The following SGCZ variants were observed in gnomAD, a reference collection of about 807,000 sequenced individuals.
SGCZ encodes the protein zeta-sarcoglycan.
A neutral mutation model predicts 41.3 loss-of-function variants in SGCZ; 40 were observed. That is an observed-to-expected ratio of 0.97 (90% CI 0.75 to 1.26). The LOEUF (loss-of-function observed/expected upper bound fraction) is 1.26, where lower values mean the gene tolerates loss of function less well. SGCZ is among the 50% of genes most tolerant of loss of function. The probability of loss-of-function intolerance (pLI) is 0.00; values close to 1 mark genes in which losing one functional copy is unlikely to be tolerated. For synonymous variants in SGCZ, 206 were observed against 137.5 expected, an observed-to-expected ratio of 1.50 and a Z score of -3.49; for missense variants, 552 against 369.8, an observed-to-expected ratio of 1.49 and a Z score of -4.04.
chr8:14,457,888 G>C (rs1367497316), intron 2 of SGCZ, among the ~76,000 whole-genome samples: 4 of 152,114 alleles, frequency 2.6e-5, no homozygotes, highest in Non-Finnish European at 5.9e-5. Flanking sequence ...TCCGCGCATT[G>C]GTGGTAGTGG....
intron 2 of SGCZ, among the ~76,000 whole-genome samples, chr8:14,341,079 C>A (rs572509403): frequency 4.6e-5 from 7 of 152,270 alleles, no homozygotes; most frequent in Admixed American, 2.0e-4. Context: ...CTTCAAGAGT[C>A]ATCTATGTTG....
intron 1 of SGCZ, among the ~76,000 whole-genome samples, chr8:14,657,857 T>C (rs2117474016): frequency 6.6e-6 from 1 of 152,300 alleles, no homozygotes; most frequent in East Asian, 1.9e-4. Flanking sequence ...CACAAAATCC[T>C]AAAATAATAT....
intron 1 of SGCZ, among the ~76,000 whole-genome samples, chr8:14,707,174 C>T (rs1809359448): frequency 1.0e-5 from 1 of 97,862 alleles, no homozygotes; most frequent in Admixed American, 1.4e-4. Flanking sequence ...CAAATACTAA[C>T]CCTCCCCCCT....
chr8:14,496,619 GT>G (rs1345286482), intron 2 of SGCZ, among the ~76,000 whole-genome samples: 1 of 152,118 alleles, frequency 6.6e-6, no homozygotes, highest in Non-Finnish European at 1.5e-5. Context: ...TTGTATCACA[GT>G]TGTAGAAAAT....
chr8:14,576,250 T>C (rs746529744), intron 1 of SGCZ, among the ~76,000 whole-genome samples: 9 of 152,110 alleles, frequency 5.9e-5, no homozygotes, highest in Non-Finnish European at 1.0e-4. Context: ...ACAGACAATG[T>C]AAAGTGAAAA....
At chr8:14,692,921 G>A (rs1808844553) in intron 1 of SGCZ, among the ~76,000 whole-genome samples, 1 of 152,134 alleles carries the variant, frequency 6.6e-6, no homozygotes, top group African/African-American at 2.4e-5. Flanking sequence ...AAACCTTGAT[G>A]GAATATTTAC....
intron 2 of SGCZ, among the ~76,000 whole-genome samples, chr8:14,377,252 C>G (rs185038202): frequency 6.6e-6 from 1 of 152,138 alleles, no homozygotes; most frequent in South Asian, 2.1e-4. Flanking sequence ...TCCATAAAAA[C>G]CCTACACAGT....
chr8:14,730,810 G>T (rs1402277816), intron 1 of SGCZ, among the ~76,000 whole-genome samples: 1 of 151,812 alleles, frequency 6.6e-6, no homozygotes, highest in Non-Finnish European at 1.5e-5. Flanking sequence ...ATTACATTTT[G>T]CAATGAACAA....
At chr8:15,070,807 G>T (rs541256267) in intron 1 of SGCZ, among the ~76,000 whole-genome samples, 2 of 152,304 alleles carry the variant, frequency 1.3e-5, no homozygotes, top group African/African-American at 4.8e-5. Flanking sequence ...ATTATTTATG[G>T]TTTTAGAGAA....
intron 4 of SGCZ, among the ~76,000 whole-genome samples, chr8:14,225,378 A>G (rs1441538073): frequency 6.6e-6 from 1 of 152,150 alleles, no homozygotes; most frequent in Non-Finnish European, 1.5e-5. Context: ...ACTCTCAGCA[A>G]ATATGAAATA....
chr8:14,402,508 G>A lies in SGCZ; in HGVS notation c.235-78304C>T, dbSNP rs990817723. ...ATCCAGTTTCAGCTTTCTACCTATG[G>A]CTAGCCAGTTTTCCCAGCACCATTT... On this transcript the variant is annotated intron_variant, in intron 2 of 7. Transcript: ENST00000382080. Among the ~76,000 whole-genome samples, 21 of 150,176 alleles carry A rather than the reference G, an allele frequency of 1.4e-4. 1 individual carries two copies. Among genetic ancestry groups the A allele is most frequent in the African/African-American group, 4.5e-4 (18 of 39,698 alleles).
intron 1 of SGCZ, among the ~76,000 whole-genome samples, chr8:14,778,336 C>A (rs17343750): frequency 0.32 from 48,944 of 151,958 alleles, 9,688 homozygotes; most frequent in East Asian, 0.5. Flanking sequence ...CAAGAGAGGA[C>A]ACTGGTCACT....
At chr8:15,007,705 A>C (rs948420902) in intron 1 of SGCZ, among the ~76,000 whole-genome samples, 5 of 152,232 alleles carry the variant, frequency 3.3e-5, no homozygotes, top group Non-Finnish European at 7.3e-5. Flanking sequence ...CTTAGCATGC[A>C]TGTGTCATAA....
intron 1 of SGCZ, among the ~76,000 whole-genome samples, chr8:14,960,082 A>C (rs2130849658): frequency 6.6e-6 from 1 of 152,330 alleles, no homozygotes; most frequent in African/African-American, 2.4e-5. Context: ...AAAGGTGAAG[A>C]CTGACATGCA....
At chr8:14,288,733 G>A (rs1022135523) in intron 3 of SGCZ, among the ~76,000 whole-genome samples, 6 of 152,104 alleles carry the variant, frequency 3.9e-5, no homozygotes, top group Non-Finnish European at 7.4e-5. Context: ...AAATAGTACT[G>A]TTATGACCAT....
intron 1 of SGCZ, among the ~76,000 whole-genome samples, chr8:14,649,707 A>G (rs2117451713): frequency 6.6e-6 from 1 of 152,214 alleles, no homozygotes; most frequent in Admixed American, 6.6e-5. Flanking sequence ...TCTAATTTTA[A>G]TGACAATCAG....
rs374207281 is a variant in SGCZ at position 15,050,062 on chromosome 8, G to C, written c.39+187523C>G. ...AATAGTTGGGACTTTGGTGATGGCT[G>C]TGTAAAGGGGGAGAATGTAGGCACA... On this transcript the variant is annotated intron_variant, in intron 1 of 7. Coordinates refer to ENST00000382080, the MANE Select transcript of SGCZ (RefSeq NM_139167.4). 1.9e-3 allele frequency among the ~76,000 whole-genome samples: 285 copies of C among 152,234 alleles called. 2 individuals carry two copies. The highest frequency in any genetic ancestry group is 6.5e-3 in the African/African-American group (271 of 41,542).
intron 1 of SGCZ, among the ~76,000 whole-genome samples, chr8:14,868,114 C>T (rs1804000107): frequency 6.6e-6 from 1 of 152,122 alleles, no homozygotes; most frequent in Non-Finnish European, 1.5e-5. Flanking sequence ...TCTGCGTTCG[C>T]TGTTCTCATG....
intron 4 of SGCZ, among the ~76,000 whole-genome samples, chr8:14,216,673 A>G (rs1279387548): frequency 6.6e-6 from 1 of 152,162 alleles, no homozygotes; most frequent in African/African-American, 2.4e-5. Flanking sequence ...AAAAATACTT[A>G]ATGATGTTCA....
Sources: gnomAD v4.1 joint callset for allele counts (sites outside exome capture counted in the v4.1 genomes callset) on GRCh38, gnomAD v4.1.1 for gene constraint, MANE v1.5 for transcripts, NCBI Gene and HGNC (gene_info 2026-07-23, HGNC 2026-07-21) for gene names.